The following DNM3 variants were observed in gnomAD, a reference collection of about 807,000 sequenced individuals.
DNM3 encodes dynamin 3.
A neutral mutation model predicts 101.6 loss-of-function variants in DNM3; 47 were observed. The ratio of observed to expected loss-of-function variants is 0.46; its 90% CI spans 0.37 to 0.59. DNM3 has a LOEUF of 0.59. Ranked by LOEUF, DNM3 falls within the 20% of genes least tolerant of loss-of-function variation. The pLI is 0.00. For synonymous variants in DNM3, 385 were observed against 387.9 expected, an observed-to-expected ratio of 0.99 and a Z score of 0.09; for missense variants, 849 against 1,085.7, an observed-to-expected ratio of 0.78 and a Z score of 3.06.
intron 14 of DNM3, among the ~76,000 whole-genome samples, chr1:172,152,390 G>C (rs1444940876): frequency 6.6e-6 from 1 of 151,704 alleles, no homozygotes; most frequent in Non-Finnish European, 1.5e-5. Context: ...AAAGCTAGTG[G>C]GAGTTGATTT....
chr1:172,302,331 A>G (rs914558488), intron 15 of DNM3, among the ~76,000 whole-genome samples: 4 of 152,190 alleles, frequency 2.6e-5, no homozygotes, highest in Non-Finnish European at 5.9e-5. Context: ...GGTGTCCCCC[A>G]TTGCTGAAAC....
chr1:172,407,305 T>A (rs960689115), intron 20 of DNM3, among the ~76,000 whole-genome samples: 1 of 151,966 alleles, frequency 6.6e-6, no homozygotes, highest in African/African-American at 2.4e-5. Flanking sequence ...ACAAGCATAA[T>A]ATAGAACAAA....
At chr1:171,980,151 C>CCTT (rs2044681484) in intron 2 of DNM3, among the ~76,000 whole-genome samples, 1 of 138,354 alleles carries the variant, frequency 7.2e-6, no homozygotes, top group South Asian at 2.3e-4. Context: ...TTTAGATTTC[C>CCTT]TTTTTTTTTT....
intron 14 of DNM3, among the ~76,000 whole-genome samples, chr1:172,219,724 C>T (rs1405099437): frequency 1.3e-5 from 2 of 152,128 alleles, no homozygotes; most frequent in Non-Finnish European, 2.9e-5. Context: ...GGAGAGCACT[C>T]TTCCATGCCC....
At chr1:172,196,624 T>G (rs924354387) in intron 14 of DNM3, among the ~76,000 whole-genome samples, 1 of 152,094 alleles carries the variant, frequency 6.6e-6, no homozygotes, top group African/African-American at 2.4e-5. Context: ...TGTTATCTCA[T>G]TGTGATTTTG....
At chr1:171,984,489 G>A (rs2045095360) in intron 2 of DNM3, among the ~76,000 whole-genome samples, 1 of 152,078 alleles carries the variant, frequency 6.6e-6, no homozygotes, top group Non-Finnish European at 1.5e-5. Context: ...CTGCCCGGAT[G>A]CCCTTCCATA....
At chr1:172,289,996 G>A (rs2063840916) in intron 15 of DNM3, 1 of 914,162 alleles carries the variant, frequency 1.1e-6, no homozygotes, top group African/African-American at 1.8e-5. Flanking sequence ...TGACATCATA[G>A]GTTTGATGAT....
intron 14 of DNM3, among the ~76,000 whole-genome samples, chr1:172,160,334 A>G (rs948860395): frequency 3.9e-5 from 6 of 152,094 alleles, no homozygotes; most frequent in African/African-American, 1.4e-4. Flanking sequence ...CTTCTTGACT[A>G]TTCGTAATAC....
intron 1 of DNM3, among the ~76,000 whole-genome samples, chr1:171,848,028 A>G (rs2032429607): frequency 6.6e-6 from 1 of 151,442 alleles, no homozygotes; most frequent in African/African-American, 2.4e-5. Context: ...GATTTTCTCT[A>G]ACTTCCTGGA....
intron 14 of DNM3, among the ~76,000 whole-genome samples, chr1:172,206,995 T>G (rs1226370255): frequency 2.6e-5 from 4 of 152,044 alleles, no homozygotes; most frequent in African/African-American, 9.7e-5. Flanking sequence ...AGACTGAGCT[T>G]TATTTCTCTA....
chr1:172,346,122 CAAAAAAAAAA>C lies in DNM3; in HGVS notation c.1893+22793_1893+22802del, dbSNP rs554868535. Among the ~76,000 whole-genome samples, 10 of 92,162 alleles carry C rather than the reference CAAAAAAAAAA, an allele frequency of 1.1e-4. 1 individual carries two copies. In the East Asian group the frequency reaches 3.9e-3, roughly 36 times the overall value. The allele number at this position is 92,162 out of a possible 152,430, so 60.5% of individuals were successfully genotyped here. A position where few individuals can be genotyped will look rare whatever the true frequency, so the allele number is the denominator to read the frequency against. On this transcript the variant is annotated intron_variant, in intron 17 of 20. Coordinates refer to ENST00000627582, the MANE Select transcript of DNM3 (RefSeq NM_015569.5). ...TGGGCGACAGAGCGAGACTCCGTCT[CAAAAAAAAAA>C]AAAAAAAAAAGAAAGAAAGAAAAAG...
intron 14 of DNM3, among the ~76,000 whole-genome samples, chr1:172,194,262 A>T (rs1558706153): frequency 6.6e-6 from 1 of 152,166 alleles, no homozygotes; most frequent in Non-Finnish European, 1.5e-5. Context: ...ACATTTGCTG[A>T]GGAGTGCTTT....
intron 15 of DNM3, among the ~76,000 whole-genome samples, chr1:172,293,379 C>T (rs1000889994): frequency 2.6e-5 from 4 of 152,164 alleles, no homozygotes; most frequent in Non-Finnish European, 4.4e-5. Flanking sequence ...AAGCCTTTTA[C>T]CTAAGGCATA....
chr1:171,944,854 C>CTTTTTTTTT lies in DNM3; in HGVS notation c.235+23033_235+23034insTTTTTTTTT. On this transcript the variant is annotated intron_variant, in intron 2 of 20. Coordinates refer to ENST00000627582, the MANE Select transcript of DNM3 (RefSeq NM_015569.5). The stretch of plus-strand genomic sequence containing the variant: ...TTTGTTTTCTTTTTTTTTGGTGTTT[C>CTTTTTTTTT]CTTTTTTTTTTTTTTTTTTTTTTTT... Among the ~76,000 whole-genome samples, 48 of 37,586 alleles carry CTTTTTTTTT rather than the reference C, an allele frequency of 1.3e-3. 20 individuals carry two copies. Among genetic ancestry groups the CTTTTTTTTT allele is most frequent in the South Asian group, 2.1e-3 (2 of 960 alleles). 24.7% of individuals were successfully genotyped at this position (37,586 alleles called of 152,430 possible).
At chr1:172,318,181 C>T (rs1241166111) in intron 16 of DNM3, among the ~76,000 whole-genome samples, 1 of 152,160 alleles carries the variant, frequency 6.6e-6, no homozygotes, top group Non-Finnish European at 1.5e-5. Context: ...TGAAAAAATT[C>T]AACAGCCCTT....
chr1:172,086,676 G>T (rs760352172), intron 12 of DNM3, among the ~76,000 whole-genome samples: 4 of 152,184 alleles, frequency 2.6e-5, no homozygotes, highest in Admixed American at 2.0e-4. Flanking sequence ...GACCTTCACT[G>T]TGGGTCCTAC....
Position 172,023,525 on chromosome 1 carries a change from A to G in DNM3, c.590-8877A>G, listed in dbSNP as rs6673435. ...GTTTGCTGCTAGGAAGACTGATGCT[A>G]TAGTGATTCCCAATCCTTTCTTTGT... On this transcript the variant is annotated intron_variant, in intron 4 of 20. Coordinates refer to ENST00000627582, the MANE Select transcript of DNM3 (RefSeq NM_015569.5). Among the ~76,000 whole-genome samples the G allele has an allele frequency of 8.2e-3, 1,256 of 152,262 alleles. 25 individuals carry two copies. The highest frequency in any genetic ancestry group is 0.028 in the African/African-American group (1,171 of 41,572).
At position 172,410,232 on chromosome 1, in the gene DNM3, A is replaced by T; in HGVS notation, c.*2391A>T. 4.1e-6 allele frequency: 4 copies of T among 985,394 alleles called. No homozygotes were observed. The South Asian group carries it at 1.9e-4, about 46-fold the overall frequency. 61.0% of individuals were successfully genotyped at this position (985,394 alleles called of 1,614,324 possible). On this transcript the variant is annotated 3_prime_UTR_variant, in exon 21 of 21. Coordinates refer to ENST00000627582, the MANE Select transcript of DNM3 (RefSeq NM_015569.5). ...AAAGGGTTTGTATTCTGCTAAAAGGAGATGCCAATGTTGAATGAAGTCTGA... is the reference window on the plus strand; with the variant it reads ...AAAGGGTTTGTATTCTGCTAAAAGGTGATGCCAATGTTGAATGAAGTCTGA...
chr1:172,112,942 G>A (rs1449392257), intron 13 of DNM3, among the ~76,000 whole-genome samples: 1 of 152,176 alleles, frequency 6.6e-6, no homozygotes, highest in East Asian at 1.9e-4. Flanking sequence ...TTGTCCTTTT[G>A]AATTCTCAGA....
Sources: gnomAD v4.1 joint callset for allele counts (sites outside exome capture counted in the v4.1 genomes callset) on GRCh38, gnomAD v4.1.1 for gene constraint, MANE v1.5 for transcripts, NCBI Gene and HGNC (gene_info 2026-07-23, HGNC 2026-07-21) for gene names.